The following DNAH17 variants were observed in gnomAD, a reference collection of about 807,000 sequenced individuals.
DNAH17 encodes the protein axonemal beta dynein heavy chain 17.
A neutral mutation model predicts 485.6 loss-of-function variants in DNAH17; 376 were observed. The ratio of observed to expected loss-of-function variants is 0.77; its 90% CI spans 0.71 to 0.84. DNAH17 has a LOEUF of 0.84. Ranked by LOEUF, DNAH17 falls within the 40% of genes least tolerant of loss-of-function variation. DNAH17 has a pLI of 0.00. For missense variants in DNAH17, 6,370 were observed against 5,839.3 expected, an observed-to-expected ratio of 1.09 and a Z score of -2.96; for synonymous variants, 3,031 against 2,405.9, an observed-to-expected ratio of 1.26 and a Z score of -7.60.
intron 56 of DNAH17, among the ~76,000 whole-genome samples, chr17:78,465,041 C>A (rs1017478668): frequency 2.6e-5 from 4 of 152,286 alleles, no homozygotes; most frequent in Admixed American, 6.5e-5. Flanking sequence ...AGCCTCCCTG[C>A]CTGATTCTCC....
At chr17:78,434,242 C>T in intron 74 of DNAH17, 22 bp from the exon 75 acceptor site, 1 of 1,590,750 alleles carries the variant, frequency 6.3e-7, no homozygotes, top group Non-Finnish European at 8.6e-7. Flanking sequence ...ACGCTCCGGT[C>T]AGGTATTAGG....
chr17:78,547,871 G>A (rs900298574), intron 16 of DNAH17, among the ~76,000 whole-genome samples: 1 of 151,986 alleles, frequency 6.6e-6, no homozygotes, highest in Non-Finnish European at 1.5e-5. Context: ...GCCTGCCTTG[G>A]CCTCCCAAAG....
chr17:78,482,500 G>C (rs1364525504), intron 48 of DNAH17, among the ~76,000 whole-genome samples: 1 of 152,070 alleles, frequency 6.6e-6, no homozygotes, highest in Admixed American at 6.5e-5. Flanking sequence ...CTCTCACTGA[G>C]CAAAATTCCT....
chr17:78,545,651 C>T (rs914123297), intron 16 of DNAH17, among the ~76,000 whole-genome samples: 4 of 152,138 alleles, frequency 2.6e-5, no homozygotes, highest in Non-Finnish European at 5.9e-5. Flanking sequence ...ACGGCTTCCA[C>T]AAAGGAGTGT....
At chr17:78,469,708 G>T (rs1308602669) in intron 54 of DNAH17, among the ~76,000 whole-genome samples, 1 of 152,210 alleles carries the variant, frequency 6.6e-6, no homozygotes, top group African/African-American at 2.4e-5. Context: ...ATAAAACGTG[G>T]TCCATCTGTG....
rs1390394947 is a variant in DNAH17 at position 78,465,343 on chromosome 17, G to A, written c.8940+1312C>T. Among the ~76,000 whole-genome samples, 10 of 151,722 alleles carry A rather than the reference G, an allele frequency of 6.6e-5. 1 individual carries two copies. The South Asian group carries it at 1.0e-3, about 16-fold the overall frequency. ...GGTGCCGAGATTGCAGCCTCTGCCC[G>A]GCCGCCACCCCGTCTGGGAAGTGAG... On this transcript the variant is annotated intron_variant, in intron 56 of 80. Transcript: ENST00000389840.
intron 22 of DNAH17, among the ~76,000 whole-genome samples, chr17:78,529,238 C>CA (rs2091161613): frequency 6.6e-6 from 1 of 152,162 alleles, no homozygotes; most frequent in African/African-American, 2.4e-5. Context: ...TTTAATCCAA[C>CA]AAAACACCAA....
rs635874 is a variant in DNAH17 at position 78,468,834 on chromosome 17, G to A, written c.8561C>T (p.Ser2854Leu). 116,461 of 1,613,864 alleles carry A rather than the reference G, an allele frequency of 0.072. 5,780 individuals carry two copies. The highest frequency in any genetic ancestry group is 0.25 in the African/African-American group (18,904 of 74,988). The part of the protein sequence containing the change: ...YIKAAVKNVP[S>L]VFLMTDSQVA... ...CTGGGAGTCTGTCATCAGGAACACCGAGGGAACGTTCTTCACGGCAGCCTT... is the reference window on the plus strand; with the variant it reads ...CTGGGAGTCTGTCATCAGGAACACCAAGGGAACGTTCTTCACGGCAGCCTT... Residue 2854 changes from serine to leucine, a missense_variant, in exon 55 of 81, where the codon TCG becomes TTG. Ser to Leu is a moderately radical substitution (Grantham distance 145). Coordinates refer to ENST00000389840, the MANE Select transcript of DNAH17 (RefSeq NM_173628.4).
rs1467373529 is a variant in DNAH17, at chr17:78,543,884, A to G, written c.2505T>C (p.Ala835=). 1.9e-6 allele frequency: 3 copies of G among 1,614,050 alleles called. No individual in the cohort carries two copies. Among genetic ancestry groups the G allele is most frequent in the East Asian group, 2.2e-5 (1 of 44,890 alleles). The change falls in exon 17 of 81, where the codon GCT becomes GCC. Residue 835 remains alanine, a synonymous_variant. Transcript: ENST00000389840. The part of the protein sequence containing the change: ...LNKRYAAVRD[A]GVKIQAMVAE... ...CAACCATGGCTTGGATCTTCACTCC[A>G]GCATCCCTGACTGCTGCGTAGCGCT...
At chr17:78,433,915 G>GGGAGGGAAGGAAGGAGGGAGGGAAGGAA (rs2086766704) in intron 75 of DNAH17, 114 bp downstream of exon 75, 1 of 505,530 alleles carries the variant, frequency 2.0e-6, no homozygotes, top group Non-Finnish European at 2.8e-6. Context: ...CAAAAGGAAA[G>GGGAGGGAAGGAAGGAGGGAGGGAAGGAA]GGAGGGAAGG....
chr17:78,510,879 G>A (rs947808268), intron 26 of DNAH17, among the ~76,000 whole-genome samples: 1 of 152,160 alleles, frequency 6.6e-6, no homozygotes, highest in African/African-American at 2.4e-5. Context: ...ATAAATCCAG[G>A]GCCAAGTGTC....
intron 22 of DNAH17, among the ~76,000 whole-genome samples, chr17:78,527,290 G>A (rs2091105180): frequency 6.7e-6 from 1 of 149,018 alleles, no homozygotes; most frequent in African/African-American, 2.4e-5. Context: ...AGGAGGCTGA[G>A]CTGGGATGAT....
intron 19 of DNAH17, among the ~76,000 whole-genome samples, chr17:78,535,323 G>A (rs2091346422): frequency 6.6e-6 from 1 of 152,120 alleles, no homozygotes; most frequent in African/African-American, 2.4e-5. Context: ...GCTTGCACTT[G>A]GGCCTAAAAT....
At chr17:78,494,547 G>A (rs2089995287) in intron 40 of DNAH17, 46 bp downstream of exon 40, 3 of 1,582,940 alleles carry the variant, frequency 1.9e-6, no homozygotes, top group African/African-American at 2.7e-5. Flanking sequence ...GGAAGCCCCA[G>A]CCAGGCAGGC....
At chr17:78,470,638 G>T (rs536181118) in intron 54 of DNAH17, among the ~76,000 whole-genome samples, 6 of 152,138 alleles carry the variant, frequency 3.9e-5, no homozygotes, top group African/African-American at 1.4e-4. Flanking sequence ...GCAGTGAGCC[G>T]ATATTGTGCC....
At chr17:78,505,745 G>A (rs570609007) in intron 30 of DNAH17, among the ~76,000 whole-genome samples, 82 of 152,300 alleles carry the variant, frequency 5.4e-4, no homozygotes, top group African/African-American at 1.8e-3. Context: ...TTGGGAGGCC[G>A]AGGCAGGTGG....
chr17:78,445,329 G>A (rs771836942), intron 70 of DNAH17, among the ~76,000 whole-genome samples: 1 of 152,134 alleles, frequency 6.6e-6, no homozygotes, highest in Non-Finnish European at 1.5e-5. Flanking sequence ...GCTGTGTGCA[G>A]GTCTCAGGGA....
At chr17:78,577,059 C>A (rs1057290456) in intron 1 of DNAH17, among the ~76,000 whole-genome samples, 1 of 152,168 alleles carries the variant, frequency 6.6e-6, no homozygotes, top group Admixed American at 6.5e-5. Flanking sequence ...TGAGGCAAGG[C>A]CTTCCCAGGA....
At chr17:78,425,722 C>G (rs939566016) in intron 79 of DNAH17, 151 bp from the exon 80 acceptor site, 3 of 556,496 alleles carry the variant, frequency 5.4e-6, no homozygotes, top group Non-Finnish European at 8.9e-6. Flanking sequence ...GCCATGGAGC[C>G]CAGCCACCTA....
Sources: allele counts gnomAD v4.1 joint callset (sites outside exome capture counted in the v4.1 genomes callset), GRCh38; gene constraint gnomAD v4.1.1; transcripts MANE v1.5; gene names NCBI Gene and HGNC (gene_info 2026-07-23, HGNC 2026-07-21).